Variants in DIS3L2 observed in about 807,000 individuals in gnomAD.
DIS3L2 encodes DIS3 like 3'-5' exoribonuclease 2, also known as DIS3-like exonuclease 2.
Under a neutral mutation model 97.5 loss-of-function variants are expected in DIS3L2, and 34 were observed. The ratio of observed to expected loss-of-function variants is 0.35; its 90% CI spans 0.27 to 0.46. The LOEUF (loss-of-function observed/expected upper bound fraction) is 0.46, where lower values mean the gene tolerates loss of function less well. Among genes scored for constraint, DIS3L2 ranks in the 20% least tolerant of loss-of-function variants. DIS3L2 has a pLI of 1.00. For synonymous variants in DIS3L2, 435 were observed against 445.2 expected (o/e 0.98, Z 0.29); for missense variants, 1,038 against 1,146.0 (o/e 0.91, Z 1.36).
At chr2:232,140,976 A>G (rs930731641) in intron 8 of DIS3L2, among the ~76,000 whole-genome samples, 1 of 152,150 alleles carries the variant, frequency 6.6e-6, no homozygotes, top group African/African-American at 2.4e-5. Context: ...TTTTTGTTAT[A>G]CATTACAACA....
At chr2:232,270,627 C>T (rs868851219) in intron 13 of DIS3L2, among the ~76,000 whole-genome samples, 16 of 152,160 alleles carry the variant, frequency 1.1e-4, no homozygotes, top group Admixed American at 5.2e-4. Flanking sequence ...AAATCTTTGA[C>T]CTGATCTCTG....
chr2:232,101,421 C>T (rs1284161511), intron 6 of DIS3L2, among the ~76,000 whole-genome samples: 1 of 151,988 alleles, frequency 6.6e-6, no homozygotes, highest in African/African-American at 2.4e-5. Context: ...CATGCATATC[C>T]ATATATGTGG....
rs190629387 is a variant in DIS3L2 at position 232,181,758 on chromosome 2, C to T, written c.1124+18126C>T. Among the ~76,000 whole-genome samples, 722 of 152,254 alleles carry T rather than the reference C, an allele frequency of 4.7e-3. 5 individuals carry two copies. Among genetic ancestry groups the T allele is most frequent in the Admixed American group, 8.5e-3 (130 of 15,292 alleles). ...GGTTCAAGTGATTCTCCTGTGTCAA[C>T]CTCCAGATAGCTGGGATACAGGCGT... On this transcript the variant is annotated intron_variant, in intron 9 of 20. Coordinates refer to ENST00000325385, the MANE Select transcript of DIS3L2 (RefSeq NM_152383.5).
chr2:232,095,382 G>A (rs1037613846), intron 6 of DIS3L2, among the ~76,000 whole-genome samples: 1 of 152,066 alleles, frequency 6.6e-6, no homozygotes, highest in Non-Finnish European at 1.5e-5. Context: ...CCCATTATTT[G>A]AAACTGATAA....
At chr2:232,261,246 G>A (rs922789084) in intron 12 of DIS3L2, among the ~76,000 whole-genome samples, 1 of 151,966 alleles carries the variant, frequency 6.6e-6, no homozygotes, top group Non-Finnish European at 1.5e-5. Context: ...GGCTTCCTCT[G>A]TCCAGGATGG....
chr2:232,136,781 T>C, intron 8 of DIS3L2, 62 bp downstream of exon 8: 1 of 1,560,492 alleles, frequency 6.4e-7, no homozygotes. Context: ...AGGTGGTCTT[T>C]AGGTAAACTT....
In DIS3L2 at chr2:232,268,387, A is replaced by G. The variant is rs1693902382; in HGVS notation, c.1659+4947A>G. 6.6e-6 allele frequency among the ~76,000 whole-genome samples: 1 copy of G among 152,204 alleles called. No individual in the cohort carries two copies. Among genetic ancestry groups the G allele is most frequent in the African/African-American group, 2.4e-5 (1 of 41,462 alleles). On this transcript the variant is annotated intron_variant, in intron 13 of 20. Coordinates refer to ENST00000325385, the MANE Select transcript of DIS3L2 (RefSeq NM_152383.5). This position sits in a 1 kb window ranked among gnomAD's most constrained non-coding sequence, Gnocchi z 4.1. Reference sequence around the variant, plus strand: ...ACCCTGGGACCCAAGCTGCAGTGGAATGCTGTTATGTATGACCTTGACCTG... The same window carrying G: ...ACCCTGGGACCCAAGCTGCAGTGGAGTGCTGTTATGTATGACCTTGACCTG...
chr2:231,994,098 T>C (rs1693663272), intron 1 of DIS3L2, among the ~76,000 whole-genome samples: 2 of 149,170 alleles, frequency 1.3e-5, no homozygotes, highest in South Asian at 4.2e-4. Context: ...TTTTTTTTGG[T>C]CTATTGATGT....
At chr2:232,291,996 G>A (rs1312140629) in intron 13 of DIS3L2, among the ~76,000 whole-genome samples, 2 of 152,112 alleles carry the variant, frequency 1.3e-5, no homozygotes, top group Non-Finnish European at 2.9e-5. Flanking sequence ...CTTGCATGAC[G>A]TTCTCCAAGT....
chr2:232,104,048 A>G (rs1195417864), intron 6 of DIS3L2, among the ~76,000 whole-genome samples: 1 of 151,746 alleles, frequency 6.6e-6, no homozygotes, highest in Non-Finnish European at 1.5e-5. Context: ...TTTAATTTTT[A>G]ATGGAAATAG....
intron 12 of DIS3L2, among the ~76,000 whole-genome samples, chr2:232,259,187 A>G (rs1191477424): frequency 6.6e-6 from 1 of 152,116 alleles, no homozygotes; most frequent in Non-Finnish European, 1.5e-5. Flanking sequence ...CAGCTATGGG[A>G]AAGTGATCAT....
intron 6 of DIS3L2, among the ~76,000 whole-genome samples, chr2:232,100,749 A>G (rs1285533764): frequency 1.3e-5 from 2 of 151,806 alleles, no homozygotes; most frequent in African/African-American, 4.8e-5. Flanking sequence ...TAGTTCCATT[A>G]TAGTTTATTA....
intron 13 of DIS3L2, among the ~76,000 whole-genome samples, chr2:232,289,932 T>C (rs1694551555): frequency 6.6e-6 from 1 of 152,230 alleles, no homozygotes; most frequent in Admixed American, 6.5e-5. Flanking sequence ...GTATATTCTA[T>C]ATGCAAGGAA....
chr2:232,261,611 C>G (rs1693714002), intron 12 of DIS3L2, among the ~76,000 whole-genome samples: 1 of 152,186 alleles, frequency 6.6e-6, no homozygotes, highest in Non-Finnish European at 1.5e-5. Flanking sequence ...CTCACAGCGT[C>G]TCCAGAACCC....
Position 232,343,432 on chromosome 2 carries a change from GA to G in DIS3L2, c.1671del (p.Glu557AspfsTer36). 1 of 1,556,100 alleles carries G rather than the reference GA, an allele frequency of 6.4e-7. No individual in the cohort carries two copies. The highest frequency in any genetic ancestry group is 8.7e-7 in the Non-Finnish European group (1 of 1,149,948). On this transcript the variant is annotated frameshift_variant, in exon 14 of 14. Coordinates refer to the DIS3L2 transcript ENST00000273009. LOFTEE classifies it high-confidence loss of function. ...TGCAGAAGCACAGCCCTCCACAGAG[GA>G]ACGCCTGCCTGAGACTCGGGGCATA...
chr2:232,339,268 C>T (rs766528836), downstream of DIS3L2, among the ~76,000 whole-genome samples: 1 of 152,212 alleles, frequency 6.6e-6, no homozygotes, highest in South Asian at 2.1e-4. Flanking sequence ...AAGGGAGGAA[C>T]GGGCATGAAG....
intron 1 of DIS3L2, among the ~76,000 whole-genome samples, chr2:232,004,684 T>A (rs1694004049): frequency 1.3e-5 from 2 of 151,664 alleles, no homozygotes; most frequent in African/African-American, 4.8e-5. Flanking sequence ...GGAACTCAAG[T>A]GATCTGTCCA....
intron 6 of DIS3L2, among the ~76,000 whole-genome samples, chr2:232,105,741 AAT>A (rs1279669322): frequency 6.6e-6 from 1 of 152,210 alleles, no homozygotes; most frequent in Non-Finnish European, 1.5e-5. Flanking sequence ...GAAAGGAAAT[AAT>A]GTCTCACAAA....
intron 5 of DIS3L2, among the ~76,000 whole-genome samples, chr2:232,036,973 G>T (rs1216455171): frequency 2.0e-5 from 3 of 152,198 alleles, no homozygotes; most frequent in Non-Finnish European, 2.9e-5. Flanking sequence ...CTGCTGGGAG[G>T]CGTCTCCCTG....
Sources: gnomAD v4.1 joint callset for allele counts (sites outside exome capture counted in the v4.1 genomes callset) on GRCh38, gnomAD v4.1.1 for gene constraint, Gnocchi (gnomAD v3.1) non-coding constraint, MANE v1.5 for transcripts, NCBI Gene and HGNC (gene_info 2026-07-23, HGNC 2026-07-21) for gene names.